Variants in IMPA2 observed in about 807,000 individuals in gnomAD.
IMPA2 encodes IMP 2.
IMPA2 carries 32 observed loss-of-function variants against 35.1 expected under a neutral mutation model. The observed-to-expected ratio is 0.91, with a 90% CI of 0.69 to 1.23. IMPA2 has a LOEUF of 1.23. Among genes scored for constraint, IMPA2 ranks in the 50% most tolerant of loss-of-function variants. The pLI is 0.00. For synonymous variants in IMPA2, 135 were observed against 160.6 expected, an observed-to-expected ratio of 0.84 and a Z score of 1.20; for missense variants, 334 against 387.6, an observed-to-expected ratio of 0.86 and a Z score of 1.16.
chr18:11,993,383 G>T (rs1906869272), intron 1 of IMPA2, among the ~76,000 whole-genome samples: 1 of 152,198 alleles, frequency 6.6e-6, no homozygotes, highest in African/African-American at 2.4e-5. Flanking sequence ...CTTTTTTTAG[G>T]TTAGCTTAGT....
intron 4 of IMPA2, among the ~76,000 whole-genome samples, chr18:12,013,217 G>A (rs1427205991): frequency 6.6e-6 from 1 of 152,150 alleles, no homozygotes; most frequent in Non-Finnish European, 1.5e-5. Context: ...GGCTTTTCGT[G>A]GTGGGCTCCT....
chr18:12,012,180 G>A lies in IMPA2; in HGVS notation c.346G>A (p.Val116Met), dbSNP rs931219772. Residue 116 changes from valine (V) to methionine (M), a missense_variant, in exon 4 of 8, where the codon GTG (valine) becomes ATG (methionine). By Grantham distance (21) the Val-to-Met change is conservative. Coordinates refer to ENST00000269159, the MANE Select transcript of IMPA2 (RefSeq NM_014214.3). ...TCNFVHRFPT[V>M]AVSIGFAVRQ... is the part of the protein sequence containing the mutation. ...TATTTTCCTTTGCAGATTCCCGACT[G>A]TGGCGGTTAGCATTGGATTTGCTGT... The A allele has an allele frequency of 5.6e-6, 9 of 1,614,072 alleles. No individual in the cohort carries two copies. The highest frequency in any genetic ancestry group is 7.6e-6 in the Non-Finnish European group (9 of 1,180,018).
chr18:12,006,891 G>T (rs1047979923), intron 2 of IMPA2, among the ~76,000 whole-genome samples: 2 of 152,084 alleles, frequency 1.3e-5, no homozygotes, highest in African/African-American at 4.8e-5. Flanking sequence ...CAGCACTTTG[G>T]GAGCCTGAGG....
At chr18:11,993,748 GAAGGTGGCCAGGGATGTCATTGCAGGCAC>G (rs1192016726) in intron 1 of IMPA2, among the ~76,000 whole-genome samples, 1 of 152,236 alleles carries the variant, frequency 6.6e-6, no homozygotes, top group Non-Finnish European at 1.5e-5. Context: ...CAGACAGGCA[GAAGGTGGCCAGGGATGTCATTGCAGGCAC>G]AAGGGATCGT....
rs1288647769 is a variant in IMPA2, at chr18:12,010,840, T to G, written c.335+853T>G. 6.6e-6 allele frequency among the ~76,000 whole-genome samples: 1 copy of G among 152,218 alleles called. No individual in the cohort carries two copies. Among genetic ancestry groups the G allele is most frequent in the Non-Finnish European group, 1.5e-5 (1 of 68,040 alleles). ...GTTTATATGTAAAACATGAAGTTAT[T>G]CCATGCTAAGCACAGCCTTTTTCTA... On this transcript the variant is annotated intron_variant, in intron 3 of 7. Transcript: ENST00000269159. The surrounding 1 kb of genome is among the most constrained non-coding windows in gnomAD (Gnocchi z 4.8).
chr18:12,003,670 GGAAA>G (rs1907178232), intron 2 of IMPA2, among the ~76,000 whole-genome samples: 5 of 80,762 alleles, frequency 6.2e-5, no homozygotes, highest in African/African-American at 1.4e-4. Context: ...AAAAAGAAAA[GGAAA>G]AAAAAAAAAA....
chr18:12,014,370 A>G lies in IMPA2; in HGVS notation c.487A>G (p.Thr163Ala). The change falls in exon 5 of 8, where the codon ACA becomes GCA. Residue 163 changes from threonine to alanine, a missense_variant. Thr to Ala is a moderately conservative substitution (Grantham distance 58). Coordinates refer to ENST00000269159, the MANE Select transcript of IMPA2 (RefSeq NM_014214.3). ...NGQRLRVSGE[T>A]DLSKALVLTE... ...CCAGCGGCTCCGGGTCTCCGGGGAG[A>G]CAGGTGGGCTTCACAACGCTCGTCT... The G allele has an allele frequency of 6.4e-7, 1 of 1,573,752 alleles. No individual in the cohort carries two copies. Among genetic ancestry groups the G allele is most frequent in the Non-Finnish European group, 8.6e-7 (1 of 1,158,366 alleles).
intron 1 of IMPA2, among the ~76,000 whole-genome samples, chr18:11,987,480 G>A (rs553575778): frequency 2.8e-4 from 43 of 152,170 alleles, no homozygotes; most frequent in African/African-American, 9.4e-4. Context: ...ACAGGCATGC[G>A]CCACCATGCC....
Position 11,997,625 on chromosome 18 carries a change from C to T in IMPA2, c.97-1429C>T, listed in dbSNP as rs560485536. On this transcript the variant is annotated intron_variant, in intron 1 of 7. Coordinates refer to ENST00000269159, the MANE Select transcript of IMPA2 (RefSeq NM_014214.3). ...GGAGGCTGAGTTTCGGGGGCTCCTGCCTGTTCTGTAGAATTCCCCGTGTGC... is the reference window on the plus strand; with the variant it reads ...GGAGGCTGAGTTTCGGGGGCTCCTGTCTGTTCTGTAGAATTCCCCGTGTGC... Among the ~76,000 whole-genome samples, 11 of 152,250 alleles carry T rather than the reference C, an allele frequency of 7.2e-5. No individual in the cohort carries two copies. In the South Asian group the frequency reaches 2.1e-3, roughly 29 times the overall value.
intron 5 of IMPA2, among the ~76,000 whole-genome samples, chr18:12,022,581 C>A: frequency 7.8e-6 from 1 of 127,600 alleles, no homozygotes; most frequent in African/African-American, 2.8e-5. Context: ...GCGTTTAAGA[C>A]CTAAGATATG....
intron 7 of IMPA2, among the ~76,000 whole-genome samples, chr18:12,029,304 C>T (rs1445482847): frequency 2.0e-5 from 3 of 151,440 alleles, no homozygotes; most frequent in Non-Finnish European, 2.9e-5. Flanking sequence ...TTATTAGAGA[C>T]GGGGTTTCAT....
At chr18:11,999,820 A>G (rs1361683877) in intron 2 of IMPA2, among the ~76,000 whole-genome samples, 1 of 152,258 alleles carries the variant, frequency 6.6e-6, no homozygotes, top group African/African-American at 2.4e-5. Context: ...TTTGTTCAGA[A>G]AAATTAAAAT....
chr18:11,984,967 C>CA lies in IMPA2; in HGVS notation c.96+3220dup, dbSNP rs34748642. Among the ~76,000 whole-genome samples the CA allele has an allele frequency of 7.2e-3, 632 of 87,684 alleles. 2 individuals carry two copies. Among genetic ancestry groups the CA allele is most frequent in the East Asian group, 0.019 (59 of 3,138 alleles). The allele number at this position is 87,684 out of a possible 152,430, so 57.5% of individuals were successfully genotyped here. Reference sequence around the variant, plus strand: ...TGAGCGACAGAGCAAGACTCCGTCTCAAAAAAAAAAAAAAAAAACAACAAA... The same window carrying CA: ...TGAGCGACAGAGCAAGACTCCGTCTCAAAAAAAAAAAAAAAAAAACAACAAA... On this transcript the variant is annotated intron_variant, in intron 1 of 7. Transcript: ENST00000269159.
intron 5 of IMPA2, among the ~76,000 whole-genome samples, chr18:12,021,414 T>C (rs1907726029): frequency 6.6e-6 from 1 of 151,888 alleles, no homozygotes; most frequent in Non-Finnish European, 1.5e-5. Flanking sequence ...AACAACACAC[T>C]GATGAAAGTG....
At chr18:11,992,156 A>G (rs1906833522) in intron 1 of IMPA2, among the ~76,000 whole-genome samples, 1 of 152,244 alleles carries the variant, frequency 6.6e-6, no homozygotes. Flanking sequence ...ACAATGTCTG[A>G]CCAAGTATCT....
At chr18:11,984,019 C>T (rs1196844103) in intron 1 of IMPA2, among the ~76,000 whole-genome samples, 2 of 152,184 alleles carry the variant, frequency 1.3e-5, no homozygotes, top group Admixed American at 6.5e-5. Flanking sequence ...TTCTACCACT[C>T]TGTTGTTCGC....
Position 12,030,516 on chromosome 18 carries a change from G to T in IMPA2, c.*58G>T, listed in dbSNP as rs556767240. On this transcript the variant is annotated 3_prime_UTR_variant, in exon 8 of 8. Transcript: ENST00000269159. ...CCCTGGGCTGCTGTGGGCTCCTGGG[G>T]AGGTGGCCCTCGTGGCCCACGCTCC... 7.7e-6 allele frequency: 11 copies of T among 1,434,480 alleles called. No individual in the cohort carries two copies. Among genetic ancestry groups the T allele is most frequent in the Non-Finnish European group, 1.1e-5 (11 of 1,018,714 alleles). 88.9% of individuals were successfully genotyped at this position (1,434,480 alleles called of 1,614,324 possible).
intron 2 of IMPA2, among the ~76,000 whole-genome samples, chr18:12,004,639 T>G (rs1907204405): frequency 6.6e-6 from 1 of 151,850 alleles, no homozygotes; most frequent in Non-Finnish European, 1.5e-5. Context: ...CAAGCGATTC[T>G]CCTGCCTTCC....
chr18:11,987,957 C>T lies in IMPA2; in HGVS notation c.96+6192C>T, dbSNP rs144068839. ...GGTATTTTATTGTAGTTTTAATTTG[C>T]GTTTCTTAGATAATTAATGAAGTTA... On this transcript the variant is annotated intron_variant, in intron 1 of 7. Coordinates refer to ENST00000269159, the MANE Select transcript of IMPA2 (RefSeq NM_014214.3). 1.1e-3 allele frequency among the ~76,000 whole-genome samples: 162 copies of T among 147,164 alleles called. 1 individual carries two copies. Among genetic ancestry groups the T allele is most frequent in the South Asian group, 2.4e-3 (11 of 4,574 alleles).
Sources: allele counts gnomAD v4.1 joint callset (sites outside exome capture counted in the v4.1 genomes callset), GRCh38; gene constraint gnomAD v4.1.1; non-coding constraint Gnocchi (gnomAD v3.1); transcripts MANE v1.5; gene names NCBI Gene and HGNC (gene_info 2026-07-23, HGNC 2026-07-21).